Variants in PHF14 observed in about 807,000 individuals in gnomAD.
PHF14 encodes PHD finger protein 14.
Under a neutral mutation model 117.9 loss-of-function variants are expected in PHF14, and 55 were observed. The observed-to-expected ratio is 0.47, with a 90% CI of 0.38 to 0.58. PHF14 has a LOEUF of 0.58. PHF14 is among the 20% of genes least tolerant of loss of function. The pLI is 0.00. For synonymous variants in PHF14, 409 were observed against 368.6 expected (o/e 1.11, Z -1.26); for missense variants, 978 against 1,122.2 (o/e 0.87, Z 1.84).
intron 17 of PHF14, among the ~76,000 whole-genome samples, chr7:11,140,260 C>T (rs150905431): frequency 3.6e-4 from 55 of 152,214 alleles, no homozygotes; most frequent in African/African-American, 1.1e-3. Flanking sequence ...CACCCCCACA[C>T]GGAAATAAAA....
chr7:10,997,673 A>G (rs7789963), intron 4 of PHF14, among the ~76,000 whole-genome samples: 57,362 of 151,934 alleles, frequency 0.38, 11,356 homozygotes, highest in East Asian at 0.75. Flanking sequence ...TAAGTCAAAT[A>G]GTTGTTGGTA....
intron 16 of PHF14, among the ~76,000 whole-genome samples, chr7:11,066,598 A>G (rs950649568): frequency 6.6e-6 from 1 of 152,150 alleles, no homozygotes; most frequent in Admixed American, 6.5e-5. Flanking sequence ...ATTTTTGTAT[A>G]TGGTTTCAGG....
intron 17 of PHF14, among the ~76,000 whole-genome samples, chr7:11,118,809 T>G (rs1787670746): frequency 6.6e-6 from 1 of 151,826 alleles, no homozygotes; most frequent in Admixed American, 6.6e-5. Context: ...TCAGATAATA[T>G]ATATTAAACG....
intron 6 of PHF14, among the ~76,000 whole-genome samples, chr7:11,025,798 AAAAAAG>A (rs1209200452): frequency 2.6e-5 from 4 of 151,374 alleles, no homozygotes; most frequent in East Asian, 3.9e-4. Context: ...CCGTCTCAAA[AAAAAAG>A]AAAAAGAAAA....
chr7:11,044,342 G>T (rs1208858585), intron 13 of PHF14, among the ~76,000 whole-genome samples: 2 of 151,990 alleles, frequency 1.3e-5, no homozygotes, highest in African/African-American at 2.4e-5. Context: ...AAAAAGAAAA[G>T]AAGTAATGTA....
At chr7:11,151,909 G>T (rs1788712272) in intron 17 of PHF14, among the ~76,000 whole-genome samples, 1 of 152,048 alleles carries the variant, frequency 6.6e-6, no homozygotes, top group Non-Finnish European at 1.5e-5. Flanking sequence ...GCTGATCCTT[G>T]TACATTTTTC....
chr7:11,054,965 G>T (rs1023486930), intron 14 of PHF14, among the ~76,000 whole-genome samples: 10 of 151,712 alleles, frequency 6.6e-5, no homozygotes, highest in Admixed American at 2.0e-4. Context: ...CATGACATAC[G>T]TAGGGCAATC....
At chr7:11,132,704 C>T (rs2128349079) in intron 17 of PHF14, among the ~76,000 whole-genome samples, 2 of 151,758 alleles carry the variant, frequency 1.3e-5, no homozygotes, top group African/African-American at 4.8e-5. Context: ...GTAATACCAA[C>T]TTACATTCCT....
intron 5 of PHF14, among the ~76,000 whole-genome samples, chr7:11,020,650 A>G (rs1281889524): frequency 6.6e-6 from 1 of 152,060 alleles, no homozygotes; most frequent in Non-Finnish European, 1.5e-5. Flanking sequence ...AAGTGCTGGG[A>G]TTACAGGCAT....
At chr7:11,047,917 A>AGGGAAGGGAGAGGGAG (rs1375514386) in intron 13 of PHF14, among the ~76,000 whole-genome samples, 4 of 97,032 alleles carry the variant, frequency 4.1e-5, no homozygotes, top group African/African-American at 8.2e-5. Context: ...AAGGAAAGGA[A>AGGGAAGGGAGAGGGAG]GGGAAGGGAG....
intron 7 of PHF14, among the ~76,000 whole-genome samples, chr7:11,034,585 G>C (rs1168197719): frequency 9.4e-6 from 1 of 106,550 alleles, no homozygotes; most frequent in African/African-American, 3.8e-5. Context: ...CTGTCGCTCT[G>C]TCACCCAGGC....
At chr7:11,151,304 C>T (rs931243435) in intron 17 of PHF14, among the ~76,000 whole-genome samples, 3 of 151,970 alleles carry the variant, frequency 2.0e-5, no homozygotes, top group East Asian at 1.9e-4. Context: ...ACCTGTAATC[C>T]GAACACTTTG....
In PHF14 at chr7:10,996,075, C is replaced by T. The variant is rs549059495; in HGVS notation, c.1045+5228C>T. The stretch of plus-strand genomic sequence containing the variant: ...GCGAGGGCTGTGAGGGCTGCCAGCA[C>T]GCTGTCACCTATCATTATGATGGAT... On this transcript the variant is annotated intron_variant, in intron 4 of 17. Coordinates refer to ENST00000634607, the MANE Select transcript of PHF14 (RefSeq NM_001007157.2). 3.3e-5 allele frequency among the ~76,000 whole-genome samples: 5 copies of T among 152,328 alleles called. No homozygotes were observed. The South Asian group carries it at 6.2e-4, about 19-fold the overall frequency.
chr7:11,119,262 A>G (rs1787684600), intron 17 of PHF14, among the ~76,000 whole-genome samples: 1 of 151,802 alleles, frequency 6.6e-6, no homozygotes, highest in Non-Finnish European at 1.5e-5. Flanking sequence ...TTATTTTGTT[A>G]TTTCAGCTAC....
intron 6 of PHF14, among the ~76,000 whole-genome samples, chr7:11,023,819 C>G (rs557557816): frequency 2.6e-5 from 4 of 151,954 alleles, no homozygotes; most frequent in Non-Finnish European, 4.4e-5. Flanking sequence ...CAGAGTGAGA[C>G]TCCATCTCAA....
At chr7:11,165,053 T>C (rs1789162442) in intron 17 of PHF14, among the ~76,000 whole-genome samples, 1 of 152,028 alleles carries the variant, frequency 6.6e-6, no homozygotes, top group South Asian at 2.1e-4. Context: ...GCCTCCCGAG[T>C]AGCTGGGACT....
chr7:11,075,587 T>TTTTTA (rs1562453132), intron 16 of PHF14, among the ~76,000 whole-genome samples: 23 of 131,720 alleles, frequency 1.7e-4, no homozygotes, highest in Non-Finnish European at 3.1e-4. Flanking sequence ...TTTTTTTTTT[T>TTTTTA]TTTATTATTA....
intron 16 of PHF14, chr7:11,063,289 A>G: frequency 1.0e-6 from 1 of 984,266 alleles, no homozygotes; most frequent in Non-Finnish European, 1.2e-6. Context: ...TTTAGGGTAA[A>G]GTAGTAAGTA....
At chr7:11,108,361 T>C (rs1041978840) in intron 16 of PHF14, 3 of 151,764 alleles carry the variant, frequency 2.0e-5, no homozygotes, top group African/African-American at 7.2e-5. Context: ...TTTCCCCTTC[T>C]GTTTTTTGGA....
Sources: gnomAD v4.1 joint callset for allele counts (sites outside exome capture counted in the v4.1 genomes callset) on GRCh38, gnomAD v4.1.1 for gene constraint, MANE v1.5 for transcripts, NCBI Gene and HGNC (gene_info 2026-07-23, HGNC 2026-07-21) for gene names.